RBL2: variants seen among roughly 807,000 people sequenced by gnomAD.
The protein encoded by RBL2 is RB transcriptional corepressor like 2.
In RBL2, 56 loss-of-function variants were observed where a neutral mutation model predicts 126.0. The observed-to-expected ratio is 0.44, with a 90% CI of 0.36 to 0.56. RBL2 has a LOEUF of 0.56. Ranked by LOEUF, RBL2 falls within the 20% of genes least tolerant of loss-of-function variation. The probability of loss-of-function intolerance (pLI) is 0.00; values close to 1 mark genes in which losing one functional copy is unlikely to be tolerated. For missense variants in RBL2, 1,229 were observed against 1,398.2 expected (o/e 0.88, Z 1.93); for synonymous variants, 454 against 478.5 (o/e 0.95, Z 0.67).
intron 21 of RBL2, among the ~76,000 whole-genome samples, chr16:53,484,467 T>C: frequency 6.6e-6 from 1 of 152,274 alleles, no homozygotes. Context: ...ACTTTAAATA[T>C]AAAAATGTAT....
intron 5 of RBL2, among the ~76,000 whole-genome samples, chr16:53,452,162 A>G (rs1262615153): frequency 6.6e-6 from 1 of 152,220 alleles, no homozygotes; most frequent in Non-Finnish European, 1.5e-5. Context: ...TGCCTGACAC[A>G]TTGTAGGAGA....
intron 17 of RBL2, among the ~76,000 whole-genome samples, chr16:53,471,768 C>T (rs1356438889): frequency 3.9e-5 from 6 of 152,112 alleles, no homozygotes; most frequent in African/African-American, 1.4e-4. Flanking sequence ...TGGGCCCAGC[C>T]AAATTAACTA....
intron 4 of RBL2, among the ~76,000 whole-genome samples, chr16:53,447,980 A>G (rs946151176): frequency 3.9e-5 from 6 of 152,100 alleles, no homozygotes; most frequent in African/African-American, 7.2e-5. Flanking sequence ...AATTCTTTAA[A>G]GTAGATAGGA....
At chr16:53,440,578 G>A (rs1884313210) in intron 2 of RBL2, among the ~76,000 whole-genome samples, 1 of 152,018 alleles carries the variant, frequency 6.6e-6, no homozygotes, top group Admixed American at 6.5e-5. Flanking sequence ...TTTTGAGATG[G>A]AGTCTTGCTG....
chr16:53,454,231 G>C, intron 7 of RBL2: 2 of 453,226 alleles, frequency 4.4e-6, no homozygotes, highest in Non-Finnish European at 8.8e-6. Flanking sequence ...TTGAGATGGA[G>C]TCTCGCTGTG....
rs1441137478 is a variant in RBL2, at chr16:53,490,531, T to C, written c.*231T>C. The C allele has an allele frequency of 1.1e-5, 4 of 370,350 alleles. No individual in the cohort carries two copies. The East Asian group carries it at 1.6e-4, about 15-fold the overall frequency. The allele number at this position is 370,350 out of a possible 1,614,324, so 22.9% of individuals were successfully genotyped here. ...ACCATTCAGTGATTACTGTCAAGGCTGCTTAGAATCCAAACTTGGATTTTT... is the reference window on the plus strand; with the variant it reads ...ACCATTCAGTGATTACTGTCAAGGCCGCTTAGAATCCAAACTTGGATTTTT... On this transcript the variant is annotated 3_prime_UTR_variant, in exon 22 of 22. Coordinates refer to ENST00000262133, the MANE Select transcript of RBL2 (RefSeq NM_005611.4).
intron 17 of RBL2, among the ~76,000 whole-genome samples, chr16:53,473,349 TTC>T (rs912805861): frequency 2.7e-5 from 4 of 147,074 alleles, no homozygotes; most frequent in Non-Finnish European, 6.2e-5. Context: ...TATTTAGATC[TTC>T]TGTTTTTTTT....
At chr16:53,443,005 T>C (rs1177625984) in intron 3 of RBL2, 147 bp downstream of exon 3, 19 of 646,654 alleles carry the variant, frequency 2.9e-5, no homozygotes, top group Non-Finnish European at 3.9e-5. Context: ...ATGATGCTTT[T>C]TTTGCTTTTC....
rs1001211718 is a variant in RBL2 at position 53,457,033 on chromosome 16, G to A, written c.1179+2191G>A. Among the ~76,000 whole-genome samples, 4 of 152,090 alleles carry A rather than the reference G, an allele frequency of 2.6e-5. No individual in the cohort carries two copies. In the South Asian group the frequency reaches 6.2e-4, roughly 24 times the overall value. The stretch of plus-strand genomic sequence containing the variant: ...AGCGCTTGGCACATAGTAGACATTC[G>A]GGGAACATTTACTACTGAAATTTAT... On this transcript the variant is annotated intron_variant, in intron 8 of 21. Coordinates refer to ENST00000262133, the MANE Select transcript of RBL2 (RefSeq NM_005611.4).
In RBL2 at chr16:53,442,785, G is replaced by T; in HGVS notation, c.499G>T (p.Glu167Ter). ...TTCTGCTGTAATTTTTAAGAAATATGAACCCATTTTTCAGGACATCTTTAA... is the reference window on the plus strand; with the variant it reads ...TTCTGCTGTAATTTTTAAGAAATATTAACCCATTTTTCAGGACATCTTTAA... ...TVSAVIFKKYEPIFQDIFKYP... is the reference protein window; with the variant it reads ...TVSAVIFKKY Residue 167 changes from glutamate to a stop codon, truncating the protein, a stop_gained, in exon 3 of 22, where the codon GAA (glutamate) becomes TAA (stop). Transcript: ENST00000262133. LOFTEE classifies it high-confidence loss of function. The T allele has an allele frequency of 6.2e-7, 1 of 1,613,598 alleles. No individual in the cohort carries two copies. Among genetic ancestry groups the T allele is most frequent in the South Asian group, 1.1e-5 (1 of 91,020 alleles).
intron 9 of RBL2, among the ~76,000 whole-genome samples, chr16:53,461,187 T>G (rs925803630): frequency 6.6e-6 from 1 of 152,152 alleles, no homozygotes; most frequent in Non-Finnish European, 1.5e-5. Flanking sequence ...TTGCTAAACT[T>G]CCTGCACTGA....
At chr16:53,489,834 A>C in intron 21 of RBL2, 1 of 234,120 alleles carries the variant, frequency 4.3e-6, no homozygotes, top group Non-Finnish European at 8.2e-6. Context: ...ATTGTAAAAA[A>C]AATCACAAAT....
At position 53,491,444 on chromosome 16, in the gene RBL2, T is replaced by A. The variant is rs1437385421; in HGVS notation, c.*1144T>A. On this transcript the variant is annotated 3_prime_UTR_variant, in exon 22 of 22. Transcript: ENST00000262133. Reference sequence around the variant, plus strand: ...AGCAGTTTTCAAGTCAAATTAATAATCTTATTAGGGAGAAAATTCAATTGT... The same window carrying A: ...AGCAGTTTTCAAGTCAAATTAATAAACTTATTAGGGAGAAAATTCAATTGT... 2 of 152,434 alleles carry A rather than the reference T, an allele frequency of 1.3e-5. No individual in the cohort carries two copies. Among genetic ancestry groups the A allele is most frequent in the East Asian group, 3.8e-4 (2 of 5,196 alleles). 9.4% of individuals were successfully genotyped at this position (152,434 alleles called of 1,614,324 possible). A position where few individuals can be genotyped will look rare whatever the true frequency, so the allele number is the denominator to read the frequency against.
chr16:53,483,037 T>A lies in RBL2; in HGVS notation c.3249+1202T>A, dbSNP rs183485492. On this transcript the variant is annotated intron_variant, in intron 21 of 21. Coordinates refer to ENST00000262133, the MANE Select transcript of RBL2 (RefSeq NM_005611.4). Reference sequence around the variant, plus strand: ...ATGTGGCCTTCAGTGTATTTTTTTTTAAAAGTTTCTTTGGTGTTGATGATG... The same window carrying A: ...ATGTGGCCTTCAGTGTATTTTTTTTAAAAAGTTTCTTTGGTGTTGATGATG... Among the ~76,000 whole-genome samples, 26 of 152,228 alleles carry A rather than the reference T, an allele frequency of 1.7e-4. No homozygotes were observed. In the East Asian group the frequency reaches 3.5e-3, roughly 20 times the overall value.
chr16:53,456,327 A>G (rs544086913), intron 8 of RBL2, among the ~76,000 whole-genome samples: 1 of 152,240 alleles, frequency 6.6e-6, no homozygotes, highest in East Asian at 1.9e-4. Flanking sequence ...AAGAGGAGTG[A>G]CTGATTTACA....
chr16:53,435,567 G>T, intron 1 of RBL2: 1 of 1,222,326 alleles, frequency 8.2e-7, no homozygotes, highest in Non-Finnish European at 1.0e-6. Context: ...TGTCAGCTTT[G>T]TATGCACCTC....
intron 10 of RBL2, among the ~76,000 whole-genome samples, chr16:53,462,324 A>G (rs1320722508): frequency 6.6e-6 from 1 of 152,194 alleles, no homozygotes; most frequent in Middle Eastern, 3.2e-3. Context: ...ATGATATTAC[A>G]GTTCCTTATG....
intron 14 of RBL2, 144 bp from the exon 15 acceptor site, chr16:53,469,772 A>G (rs1336764439): frequency 2.0e-6 from 2 of 1,007,716 alleles, no homozygotes; most frequent in Non-Finnish European, 2.8e-6. Context: ...TATAGGTAAG[A>G]TATGACTTCT....
intron 17 of RBL2, among the ~76,000 whole-genome samples, chr16:53,475,018 A>G (rs1960675965): frequency 6.6e-6 from 1 of 152,182 alleles, no homozygotes; most frequent in Non-Finnish European, 1.5e-5. Context: ...ATTGGTGAAT[A>G]ATTCCGTCTC....
Sources: allele counts gnomAD v4.1 joint callset (sites outside exome capture counted in the v4.1 genomes callset), GRCh38; gene constraint gnomAD v4.1.1; transcripts MANE v1.5; gene names NCBI Gene and HGNC (gene_info 2026-07-23, HGNC 2026-07-21).